TRIM58: variants seen among roughly 807,000 people sequenced by gnomAD.
TRIM58 encodes the protein tripartite motif containing 58.
In TRIM58, 38 loss-of-function variants were observed where a neutral mutation model predicts 34.1. The ratio of observed to expected loss-of-function variants is 1.12; its 90% CI spans 0.86 to 1.46. TRIM58 has a LOEUF of 1.46. Among genes scored for constraint, TRIM58 ranks in the 40% most tolerant of loss-of-function variants. The pLI is 0.00. For synonymous variants in TRIM58, 273 were observed against 275.7 expected (o/e 0.99, Z 0.10); for missense variants, 677 against 642.0 (o/e 1.05, Z -0.59).
chr1:247,863,979 C>A (rs554993345), intron 2 of TRIM58, among the ~76,000 whole-genome samples: 3 of 152,122 alleles, frequency 2.0e-5, no homozygotes, highest in Non-Finnish European at 4.4e-5. Flanking sequence ...TCTCATCTCT[C>A]AGCCTTTTCT....
Position 247,875,967 on chromosome 1 carries a change from G to A in TRIM58, c.939G>A (p.Val313=). Residue 313 remains valine, a synonymous_variant, in exon 6 of 6, where the codon GTG becomes GTA. Transcript: ENST00000366481. ...SLLLTADLRS[V]QDGEPWRDVP... ...TCTTGACCGCCGACCTGCGCAGTGT[G>A]CAGGATGGAGAACCATGGAGGGATG... 1.2e-6 allele frequency: 2 copies of A among 1,614,240 alleles called. No homozygotes were observed. The highest frequency in any genetic ancestry group is 1.3e-5 in the African/African-American group (1 of 75,064).
At chr1:247,873,405 CT>C (rs1659194608) in intron 5 of TRIM58, among the ~76,000 whole-genome samples, 1 of 152,096 alleles carries the variant, frequency 6.6e-6, no homozygotes, top group East Asian at 1.9e-4. Context: ...TCACAGATCT[CT>C]TTTGTTAGAA....
chr1:247,876,720 C>G lies in TRIM58; in HGVS notation c.*231C>G, dbSNP rs568690888. 1.2e-5 allele frequency: 6 copies of G among 497,504 alleles called. No homozygotes were observed. Among genetic ancestry groups the G allele is most frequent in the African/African-American group, 9.6e-5 (5 of 52,104 alleles). 30.8% of individuals were successfully genotyped at this position (497,504 alleles called of 1,614,324 possible). A position where few individuals can be genotyped will look rare whatever the true frequency, so the allele number is the denominator to read the frequency against. ...GCAATCTCAACCTCTATTTCTAGAT[C>G]ACATTTTCTTGATGTCTTCCTTCAA... On this transcript the variant is annotated 3_prime_UTR_variant, in exon 6 of 6. Coordinates refer to ENST00000366481, the MANE Select transcript of TRIM58 (RefSeq NM_015431.4).
chr1:247,857,715 C>T (rs1663671218), intron 1 of TRIM58, 49 bp downstream of exon 1: 2 of 1,209,522 alleles, frequency 1.7e-6, no homozygotes, highest in Non-Finnish European at 2.1e-6. Context: ...GACCGGGAAG[C>T]GGGCGACAGT....
chr1:247,866,284 C>G (rs552932587), intron 3 of TRIM58, among the ~76,000 whole-genome samples: 1 of 152,178 alleles, frequency 6.6e-6, no homozygotes, highest in Non-Finnish European at 1.5e-5. Context: ...TCAAGCGATT[C>G]TCCTGCCTCA....
intron 3 of TRIM58, 146 bp from the exon 4 acceptor site, chr1:247,867,699 A>C (rs878881445): frequency 1.0e-6 from 1 of 992,756 alleles, no homozygotes; most frequent in Non-Finnish European, 1.5e-6. Context: ...TCAAAAAAAA[A>C]ATAGAAAAGA....
At chr1:247,868,474 A>T (rs1337213187) in intron 5 of TRIM58, among the ~76,000 whole-genome samples, 1 of 152,208 alleles carries the variant, frequency 6.6e-6, no homozygotes, top group Non-Finnish European at 1.5e-5. Context: ...CTCCGCAAAC[A>T]GCCAATCAGT....
intron 3 of TRIM58, among the ~76,000 whole-genome samples, chr1:247,865,796 G>A (rs1572573279): frequency 1.3e-5 from 2 of 152,132 alleles, no homozygotes; most frequent in African/African-American, 2.4e-5. Flanking sequence ...TATCTGGACC[G>A]ACTCCTATCT....
chr1:247,860,826 G>A (rs1663775639), intron 2 of TRIM58, 114 bp downstream of exon 2: 1 of 774,582 alleles, frequency 1.3e-6, no homozygotes. Context: ...CTCCATATAT[G>A]CCCAAGAGCA....
At position 247,875,969 on chromosome 1, in the gene TRIM58, A is replaced by G. The variant is rs780876751; in HGVS notation, c.941A>G (p.Gln314Arg). ...TTGACCGCCGACCTGCGCAGTGTGC[A>G]GGATGGAGAACCATGGAGGGATGTC... ...LLLTADLRSV[Q>R]DGEPWRDVPN... Residue 314 changes from glutamine (Q) to arginine (R), a missense_variant, in exon 6 of 6, where the codon CAG becomes CGG. Gln to Arg is a conservative substitution (Grantham distance 43). Coordinates refer to ENST00000366481, the MANE Select transcript of TRIM58 (RefSeq NM_015431.4). The G allele has an allele frequency of 8.7e-6, 14 of 1,614,216 alleles. No individual in the cohort carries two copies. In the East Asian group the frequency reaches 3.1e-4, roughly 36 times the overall value.
chr1:247,862,951 C>A (rs1191835931), intron 2 of TRIM58, among the ~76,000 whole-genome samples: 5 of 152,156 alleles, frequency 3.3e-5, no homozygotes, highest in African/African-American at 9.7e-5. Context: ...CCAGGTATGA[C>A]TCTACCCTTC....
intron 5 of TRIM58, among the ~76,000 whole-genome samples, chr1:247,874,189 G>T (rs763091937): frequency 2.6e-5 from 4 of 152,248 alleles, no homozygotes; most frequent in Non-Finnish European, 2.9e-5. Flanking sequence ...TCATGGTTCT[G>T]TAGGCTGTAC....
chr1:247,874,281 G>T (rs781343523), intron 5 of TRIM58, among the ~76,000 whole-genome samples: 16 of 152,192 alleles, frequency 1.1e-4, no homozygotes, highest in Non-Finnish European at 1.8e-4. Context: ...AGGAGCCAGC[G>T]TATCACATGG....
At chr1:247,867,914 A>T (rs1284944832) in intron 4 of TRIM58, 47 bp downstream of exon 4, 1 of 1,613,846 alleles carries the variant, frequency 6.2e-7, no homozygotes, top group East Asian at 2.2e-5. Context: ...GAGGCAGAGG[A>T]GCTGGTGGAG....
chr1:247,863,140 G>A (rs1287074394), intron 2 of TRIM58, among the ~76,000 whole-genome samples: 1 of 152,222 alleles, frequency 6.6e-6, no homozygotes, highest in Admixed American at 6.5e-5. Context: ...GTGGAAGGAG[G>A]TAGAGATGGA....
At chr1:247,868,128 C>A in intron 5 of TRIM58, 65 bp downstream of exon 5, 1 of 1,393,102 alleles carries the variant, frequency 7.2e-7, no homozygotes, top group Non-Finnish European at 9.9e-7. Flanking sequence ...AAGGTAGTTG[C>A]ATCTTAGAGA....
At chr1:247,860,297 C>T (rs182628076) in intron 1 of TRIM58, among the ~76,000 whole-genome samples, 1 of 152,168 alleles carries the variant, frequency 6.6e-6, no homozygotes, top group East Asian at 1.9e-4. Context: ...GACCCCATCT[C>T]TACAGAAAAC....
intron 5 of TRIM58, among the ~76,000 whole-genome samples, chr1:247,869,568 C>T (rs112951334): frequency 2.0e-5 from 3 of 152,200 alleles, no homozygotes; most frequent in East Asian, 1.9e-4. Flanking sequence ...ATATATACTT[C>T]CCAGTGTCAT....
rs2103340181 is a variant in TRIM58 at position 247,879,365 on chromosome 1, T to C, written c.*2876T>C. 6.6e-6 allele frequency among the ~76,000 whole-genome samples: 1 copy of C among 152,332 alleles called. No individual in the cohort carries two copies. Among genetic ancestry groups the C allele is most frequent in the South Asian group, 2.1e-4 (1 of 4,824 alleles). ...TGTAACCATGGTCAGAACTCCATCC[T>C]GCCCCTCTGGATTATGACTTTCGTT... is the stretch of plus-strand genomic sequence containing the variant. On this transcript the variant is annotated 3_prime_UTR_variant, in exon 6 of 6. Transcript: ENST00000366481.
Sources: allele counts gnomAD v4.1 joint callset (sites outside exome capture counted in the v4.1 genomes callset), GRCh38; gene constraint gnomAD v4.1.1; transcripts MANE v1.5; gene names NCBI Gene and HGNC (gene_info 2026-07-23, HGNC 2026-07-21).